The following FRAS1 variants were observed in gnomAD, a reference collection of about 807,000 sequenced individuals.
FRAS1 encodes the protein Fraser extracellular matrix complex subunit 1.
A neutral mutation model predicts 435.2 loss-of-function variants in FRAS1; 290 were observed. That is an observed-to-expected ratio of 0.67 (90% CI 0.61 to 0.73). FRAS1 has a LOEUF of 0.73. Ranked by LOEUF, FRAS1 falls within the 30% of genes least tolerant of loss-of-function variation. The pLI is 0.00. For missense variants in FRAS1, 4,860 were observed against 5,001.5 expected (o/e 0.97, Z 0.85); for synonymous variants, 1,800 against 1,851.0 (o/e 0.97, Z 0.71).
intron 26 of FRAS1, among the ~76,000 whole-genome samples, chr4:78,378,506 C>T (rs1260430584): frequency 1.3e-5 from 2 of 152,064 alleles, no homozygotes; most frequent in Non-Finnish European, 2.9e-5. Context: ...CAACTGTTTT[C>T]CCAAGTGACT....
At chr4:78,072,396 T>G (rs372603326) in intron 2 of FRAS1, among the ~76,000 whole-genome samples, 1 of 152,218 alleles carries the variant, frequency 6.6e-6, no homozygotes, top group African/African-American at 2.4e-5. Flanking sequence ...TTTGTCCTTG[T>G]ATTCATCAAC....
At chr4:78,216,471 T>A (rs771372732) in intron 2 of FRAS1, among the ~76,000 whole-genome samples, 1 of 152,208 alleles carries the variant, frequency 6.6e-6, no homozygotes, top group East Asian at 1.9e-4. Flanking sequence ...ATTTCATGAA[T>A]GAGCCAACTA....
At chr4:78,470,630 T>C (rs1719672286) in intron 51 of FRAS1, among the ~76,000 whole-genome samples, 1 of 152,248 alleles carries the variant, frequency 6.6e-6, no homozygotes, top group Non-Finnish European at 1.5e-5. Flanking sequence ...CAACTGTTTA[T>C]ATAGCATTTG....
chr4:78,433,703 A>AT (rs1395267471), intron 38 of FRAS1, among the ~76,000 whole-genome samples: 1 of 152,108 alleles, frequency 6.6e-6, no homozygotes, highest in Non-Finnish European at 1.5e-5. Context: ...TTGACAGGTG[A>AT]TTTTTACTGT....
intron 20 of FRAS1, among the ~76,000 whole-genome samples, chr4:78,339,368 A>G (rs1730310535): frequency 6.6e-6 from 1 of 152,266 alleles, no homozygotes; most frequent in Non-Finnish European, 1.5e-5. Context: ...AGGGGGATAC[A>G]GAGGTCTTCC....
chr4:78,454,932 A>G (rs1305820052), intron 47 of FRAS1, among the ~76,000 whole-genome samples: 1 of 152,190 alleles, frequency 6.6e-6, no homozygotes, highest in African/African-American at 2.4e-5. Context: ...TCCTCCTGGA[A>G]CAGCACCCTC....
intron 16 of FRAS1, among the ~76,000 whole-genome samples, chr4:78,316,894 G>A (rs1234026155): frequency 6.6e-6 from 1 of 152,184 alleles, no homozygotes; most frequent in East Asian, 1.9e-4. Context: ...CAAAATGCCA[G>A]TGCTTCCAAC....
intron 43 of FRAS1, among the ~76,000 whole-genome samples, chr4:78,447,496 A>G (rs1256897843): frequency 1.3e-5 from 2 of 151,872 alleles, no homozygotes; most frequent in Non-Finnish European, 2.9e-5. Flanking sequence ...AATAGAAAAA[A>G]CTGTTGGGCA....
chr4:78,185,880 C>T (rs536622437), intron 2 of FRAS1, among the ~76,000 whole-genome samples: 9 of 152,148 alleles, frequency 5.9e-5, no homozygotes, highest in Non-Finnish European at 1.3e-4. Flanking sequence ...CTTAATTTGG[C>T]ATTTTCTATT....
intron 2 of FRAS1, among the ~76,000 whole-genome samples, chr4:78,120,368 T>C (rs952587604): frequency 6.6e-6 from 1 of 152,196 alleles, no homozygotes; most frequent in East Asian, 1.9e-4. Context: ...AGGTTTAACT[T>C]AGAGTTGTCC....
Position 78,057,696 on chromosome 4 carries a change from G to C in FRAS1, c.-314G>C. On this transcript the variant is annotated 5_prime_UTR_variant, in exon 1 of 74. Coordinates refer to ENST00000512123, the MANE Select transcript of FRAS1 (RefSeq NM_025074.7). The surrounding 1 kb of genome is among the most constrained non-coding windows in gnomAD (Gnocchi z 4.2). ...TCGGCCAGTGACCAGCAACTTTCCG[G>C]CGAGATTTTGACGCGGAGAACTGTG... 2.4e-6 allele frequency: 1 copy of C among 422,270 alleles called. No homozygotes were observed. Among genetic ancestry groups the C allele is most frequent in the Non-Finnish European group, 4.3e-6 (1 of 235,216 alleles). The allele number at this position is 422,270 out of a possible 1,614,324, so 26.2% of individuals were successfully genotyped here.
At chr4:78,529,457 T>C (rs1431282120) in intron 70 of FRAS1, among the ~76,000 whole-genome samples, 2 of 152,106 alleles carry the variant, frequency 1.3e-5, no homozygotes, top group Non-Finnish European at 2.9e-5. Flanking sequence ...TCAGTGCCCC[T>C]CTCCAATCAT....
At chr4:78,407,603 G>A in intron 30 of FRAS1, 60 bp from the exon 31 acceptor site, 2 of 1,401,112 alleles carry the variant, frequency 1.4e-6, no homozygotes, top group Non-Finnish European at 1.9e-6. Context: ...TAGGAAAGGA[G>A]GTAAGGGCTC....
intron 2 of FRAS1, among the ~76,000 whole-genome samples, chr4:78,134,178 T>C (rs1413761178): frequency 6.6e-6 from 1 of 151,974 alleles, no homozygotes; most frequent in Non-Finnish European, 1.5e-5. Flanking sequence ...TTAACAGTAG[T>C]ATACAAAAAC....
Position 78,424,384 on chromosome 4 carries a change from T to C in FRAS1, c.4679-4T>C. On this transcript the variant is annotated splice_region_variant and splice_polypyrimidine_tract_variant and intron_variant, in intron 34 of 73. Transcript: ENST00000512123. ...TATACTGATTGTCTCTCTTACTCTT[T>C]TAGGTCTCCCAGAATCAGTGAAATT... 1 of 1,463,820 alleles carries C rather than the reference T, an allele frequency of 6.8e-7. No homozygotes were observed. The highest frequency in any genetic ancestry group is 1.4e-5 in the African/African-American group (1 of 70,084). The allele number at this position is 1,463,820 out of a possible 1,614,324, so 90.7% of individuals were successfully genotyped here.
intron 2 of FRAS1, chr4:78,071,042 TG>T (rs1740325681): frequency 6.6e-6 from 1 of 152,266 alleles, no homozygotes; most frequent in Non-Finnish European, 1.5e-5. Context: ...TGTTAAGTGT[TG>T]GGATTTTCCT....
intron 9 of FRAS1, among the ~76,000 whole-genome samples, chr4:78,274,125 A>G (rs1726867823): frequency 6.6e-6 from 1 of 152,080 alleles, no homozygotes. Context: ...GTATTCTCTG[A>G]TGGTAGTTTG....
In FRAS1 at chr4:78,433,826, G is replaced by A. The variant is rs867597808; in HGVS notation, c.5217+1222G>A. ...AAAATGTTTCACAGTCCAAAATAGC[G>A]CTCCAGGAGCAGTTCCTGCCCATTA... On this transcript the variant is annotated intron_variant, in intron 38 of 73. Coordinates refer to ENST00000512123, the MANE Select transcript of FRAS1 (RefSeq NM_025074.7). Among the ~76,000 whole-genome samples, 7 of 152,200 alleles carry A rather than the reference G, an allele frequency of 4.6e-5. 1 individual carries two copies. The highest frequency in any genetic ancestry group is 3.9e-4 in the East Asian group (2 of 5,182).
chr4:78,362,996 TACTTTGG>T (rs1467051783), intron 20 of FRAS1, among the ~76,000 whole-genome samples: 1 of 152,176 alleles, frequency 6.6e-6, no homozygotes, highest in Non-Finnish European at 1.5e-5. Flanking sequence ...TATAAGTACT[TACTTTGG>T]ACTTTTGGCC....
Sources: allele counts gnomAD v4.1 joint callset (sites outside exome capture counted in the v4.1 genomes callset), GRCh38; gene constraint gnomAD v4.1.1; non-coding constraint Gnocchi (gnomAD v3.1); transcripts MANE v1.5; gene names NCBI Gene and HGNC (gene_info 2026-07-23, HGNC 2026-07-21).